ST7L: variants seen among roughly 807,000 people sequenced by gnomAD.
ST7L encodes the protein suppression of tumorigenicity 7 like, also known as suppressor of tumorigenicity 7 protein-like.
A neutral mutation model predicts 72.5 loss-of-function variants in ST7L; 57 were observed. The ratio of observed to expected loss-of-function variants is 0.79; its 90% confidence interval spans 0.64 to 0.98. The LOEUF is 0.98. Ranked by LOEUF, ST7L falls within the 50% of genes least tolerant of loss-of-function variation. ST7L has a pLI of 0.00. For missense variants in ST7L, 576 were observed against 672.2 expected, an observed-to-expected ratio of 0.86 and a Z score of 1.58; for synonymous variants, 221 against 240.9, an observed-to-expected ratio of 0.92 and a Z score of 0.77.
Position 112,561,770 on chromosome 1 carries a change from C to T in ST7L, c.1246-5752G>A, listed in dbSNP as rs367695919. Among the ~76,000 whole-genome samples the T allele has an allele frequency of 2.6e-5, 4 of 151,458 alleles. No homozygotes were observed. The East Asian group carries it at 5.9e-4, about 22-fold the overall frequency. On this transcript the variant is annotated intron_variant, in intron 11 of 14. Transcript: ENST00000358039. ...GCTGGGATTACAGGCATGCGTTGCCCGGCCAATCTAACATTTTTAATTGTT... is the reference window on the plus strand; with the variant it reads ...GCTGGGATTACAGGCATGCGTTGCCTGGCCAATCTAACATTTTTAATTGTT...
intron 14 of ST7L, chr1:112,539,618 T>C (rs1655765181): frequency 1.8e-5 from 15 of 840,388 alleles, no homozygotes; most frequent in Non-Finnish European, 2.0e-5. Flanking sequence ...ATCACGCCAT[T>C]GCACTCTAGT....
At position 112,578,779 on chromosome 1, in the gene ST7L, A is replaced by AAAAC. The variant is rs1558010177; in HGVS notation, c.1070-363_1070-362insGTTT. Among the ~76,000 whole-genome samples the AAAAC allele has an allele frequency of 4.1e-3, 618 of 152,344 alleles. 1 individual carries two copies. Among genetic ancestry groups the AAAAC allele is most frequent in the African/African-American group, 0.014 (596 of 41,572 alleles). ...ACAAGAGTGAAACTCCGTCTCCAAA[A>AAAAC]AAAACAAAACAAAACAAAACAAAAA... On this transcript the variant is annotated intron_variant, in intron 9 of 14. Coordinates refer to ENST00000358039, the MANE Select transcript of ST7L (RefSeq NM_017744.5).
At chr1:112,619,371 C>T (rs1388981568), upstream of ST7L, 2 of 575,874 alleles carry the variant, frequency 3.5e-6, no homozygotes, top group East Asian at 5.7e-5. Context: ...CGAAGTGTTA[C>T]CGCTTCCAAA....
intron 5 of ST7L, among the ~76,000 whole-genome samples, chr1:112,592,238 AAAGTT>A (rs1665833898): frequency 6.6e-6 from 1 of 152,212 alleles, no homozygotes; most frequent in South Asian, 2.1e-4. Flanking sequence ...CACAGTAAGT[AAAGTT>A]TTCTTTAATT....
chr1:112,571,276 T>C (rs1174537086), intron 11 of ST7L: 2 of 456,360 alleles, frequency 4.4e-6, no homozygotes, highest in Non-Finnish European at 8.8e-6. Context: ...ATCACTCACT[T>C]AGCTGGATAT....
At chr1:112,613,796 C>T (rs1231025848) in intron 2 of ST7L, among the ~76,000 whole-genome samples, 1 of 152,112 alleles carries the variant, frequency 6.6e-6, no homozygotes, top group African/African-American at 2.4e-5. Context: ...AGCATGATCA[C>T]AGCTCACCAC....
chr1:112,584,498 T>G (rs1334390909), intron 6 of ST7L, among the ~76,000 whole-genome samples: 2 of 152,158 alleles, frequency 1.3e-5, no homozygotes, highest in African/African-American at 2.4e-5. Flanking sequence ...TACCTGCTTT[T>G]TTTTTTGAGA....
intron 14 of ST7L, among the ~76,000 whole-genome samples, chr1:112,537,201 G>T (rs1655363751): frequency 6.6e-6 from 1 of 152,120 alleles, no homozygotes; most frequent in Non-Finnish European, 1.5e-5. Flanking sequence ...GTTTCACCAT[G>T]TTGGCCAGGC....
intron 11 of ST7L, among the ~76,000 whole-genome samples, chr1:112,560,606 T>C (rs1246884993): frequency 6.6e-6 from 1 of 152,136 alleles, no homozygotes; most frequent in African/African-American, 2.4e-5. Context: ...TATTACACTA[T>C]AAAAACCATA....
intron 14 of ST7L, among the ~76,000 whole-genome samples, chr1:112,535,834 T>G (rs1452532337): frequency 6.6e-6 from 1 of 152,182 alleles, no homozygotes; most frequent in African/African-American, 2.4e-5. Context: ...TTCACAAATT[T>G]CTTAGTTTGG....
intron 14 of ST7L, chr1:112,529,346 G>A (rs1017752703): frequency 6.6e-6 from 1 of 152,136 alleles, no homozygotes; most frequent in Non-Finnish European, 1.5e-5. Context: ...TATAAAGGGT[G>A]ATTTCTGAAA....
chr1:112,614,385 A>G (rs1334009371), intron 2 of ST7L, among the ~76,000 whole-genome samples: 1 of 152,202 alleles, frequency 6.6e-6, no homozygotes, highest in Non-Finnish European at 1.5e-5. Context: ...CCTGGCTTAA[A>G]GACAGTTTAT....
intron 13 of ST7L, among the ~76,000 whole-genome samples, chr1:112,542,786 AATAC>A (rs1437449882): frequency 2.0e-4 from 26 of 131,056 alleles, no homozygotes; most frequent in African/African-American, 6.9e-4. Context: ...TAAATAAATA[AATAC>A]ATTTGAGTTG....
chr1:112,540,741 A>G lies in ST7L; in HGVS notation c.1629+1210T>C. On this transcript the variant is annotated intron_variant, in intron 14 of 14. Coordinates refer to ENST00000358039, the MANE Select transcript of ST7L (RefSeq NM_017744.5). ...AGAAACTGTGAGGAAACAAGTTAGAATGGAGGCATATAGAGAAAAATACAG... is the reference window on the plus strand; with the variant it reads ...AGAAACTGTGAGGAAACAAGTTAGAGTGGAGGCATATAGAGAAAAATACAG... 5 of 1,247,102 alleles carry G rather than the reference A, an allele frequency of 4.0e-6. No homozygotes were observed. The South Asian group carries it at 6.9e-5, about 17-fold the overall frequency. The allele number at this position is 1,247,102 out of a possible 1,614,324, so 77.3% of individuals were successfully genotyped here.
At chr1:112,526,357 T>TAA (rs1158813214) in intron 14 of ST7L, 2 of 409,314 alleles carry the variant, frequency 4.9e-6, no homozygotes, top group Non-Finnish European at 8.8e-6. Flanking sequence ...AGATTAACAT[T>TAA]AAAAATTTTA....
At chr1:112,519,958 C>T (rs569001361), downstream of ST7L, among the ~76,000 whole-genome samples, 5 of 149,432 alleles carry the variant, frequency 3.3e-5, no homozygotes, top group South Asian at 4.2e-4. Flanking sequence ...ACTGCAGCCT[C>T]GACCTCCCAG....
intron 14 of ST7L, among the ~76,000 whole-genome samples, chr1:112,533,399 A>G (rs1299840131): frequency 6.6e-6 from 1 of 152,066 alleles, no homozygotes. Flanking sequence ...GCTCACGGCA[A>G]TCTTGGCCTC....
chr1:112,601,666 G>C (rs543062921), intron 3 of ST7L, among the ~76,000 whole-genome samples: 1 of 152,168 alleles, frequency 6.6e-6, no homozygotes, highest in African/African-American at 2.4e-5. Flanking sequence ...AAAAATGAGA[G>C]TAAGCTTGCA....
chr1:112,518,176 A>C, the ST7L span: 1 of 152,214 alleles, frequency 6.6e-6, no homozygotes. Flanking sequence ...GGATTCTTGG[A>C]GGTGCTGGAA....
Sources: gnomAD v4.1 joint callset for allele counts (sites outside exome capture counted in the v4.1 genomes callset) on GRCh38, gnomAD v4.1.1 for gene constraint, MANE v1.5 for transcripts, NCBI Gene and HGNC (gene_info 2026-07-23, HGNC 2026-07-21) for gene names.